Variants in CACUL1 observed in about 807,000 individuals in gnomAD.
The protein encoded by CACUL1 is CDK2 associated cullin domain 1.
CACUL1 carries 13 observed loss-of-function variants against 45.2 expected under a neutral mutation model. That is an observed-to-expected ratio of 0.29 (90% confidence interval 0.19 to 0.46). The LOEUF is 0.46. Ranked by LOEUF, CACUL1 falls within the 20% of genes least tolerant of loss-of-function variation. The pLI, the probability that CACUL1 is intolerant of heterozygous loss-of-function variation, is 1.00. For synonymous variants in CACUL1, 197 were observed against 174.2 expected, an observed-to-expected ratio of 1.13 and a Z score of -1.03; for missense variants, 421 against 471.4, an observed-to-expected ratio of 0.89 and a Z score of 0.99.
rs779232757 is a variant in CACUL1 at position 118,730,314 on chromosome 10, T to C, written c.464A>G (p.Tyr155Cys). Residue 155 changes from tyrosine (Y) to cysteine (C), a missense_variant, in exon 2 of 9, where the codon TAT (tyrosine) becomes TGT (cysteine). Tyr to Cys is a radical substitution (Grantham distance 194). Transcript: ENST00000369151. ...TATCTGTTCATAGGATATGGGGATATAGTCACCAGGACTCTGAGTTAAAAG... is the reference window on the plus strand; with the variant it reads ...TATCTGTTCATAGGATATGGGGATACAGTCACCAGGACTCTGAGTTAAAAG... ...DQLLTQSPGD[Y>C]IPISYEQIYS... 7 of 1,613,994 alleles carry C rather than the reference T, an allele frequency of 4.3e-6. No homozygotes were observed. Among genetic ancestry groups the C allele is most frequent in the Non-Finnish European group, 5.9e-6 (7 of 1,179,944 alleles).
intron 3 of CACUL1, among the ~76,000 whole-genome samples, chr10:118,715,361 GGTCA>G (rs1589609966): frequency 6.6e-6 from 1 of 152,128 alleles, no homozygotes; most frequent in African/African-American, 2.4e-5. Flanking sequence ...AAGGTTGATT[GGTCA>G]GTCACCCGAA....
chr10:118,704,999 A>G (rs1014626788), intron 4 of CACUL1, among the ~76,000 whole-genome samples: 1 of 152,260 alleles, frequency 6.6e-6, no homozygotes, highest in Admixed American at 6.5e-5. Flanking sequence ...CCCAGCTTGC[A>G]AAGTGACCAA....
chr10:118,687,769 T>C (rs1183702545), intron 7 of CACUL1, among the ~76,000 whole-genome samples: 1 of 152,226 alleles, frequency 6.6e-6, no homozygotes, highest in Non-Finnish European at 1.5e-5. Context: ...TGGCTGTCCC[T>C]TGCATGTCAG....
intron 5 of CACUL1, 148 bp downstream of exon 5, chr10:118,701,158 G>A: frequency 2.2e-6 from 1 of 453,906 alleles, no homozygotes; most frequent in East Asian, 3.2e-5. Flanking sequence ...ATTCTGCAGT[G>A]TCTCAGGTGG....
At chr10:118,723,935 T>TTTTGTA (rs1452112714) in intron 3 of CACUL1, among the ~76,000 whole-genome samples, 1 of 152,058 alleles carries the variant, frequency 6.6e-6, no homozygotes, top group Admixed American at 6.6e-5. Context: ...CAGGTAATTT[T>TTTTGTA]TTTGTATTTG....
intron 1 of CACUL1, among the ~76,000 whole-genome samples, chr10:118,746,923 A>G (rs1485171451): frequency 6.6e-6 from 1 of 152,188 alleles, no homozygotes; most frequent in Non-Finnish European, 1.5e-5. Flanking sequence ...GGCCACAGGA[A>G]CCGGTCGGTG....
intron 3 of CACUL1, among the ~76,000 whole-genome samples, chr10:118,714,144 A>G (rs1055435460): frequency 6.6e-6 from 1 of 152,214 alleles, no homozygotes; most frequent in East Asian, 1.9e-4. Context: ...CTGGATTCTC[A>G]TATCTGCTTC....
At chr10:118,745,510 G>A (rs1011100644) in intron 1 of CACUL1, among the ~76,000 whole-genome samples, 5 of 151,966 alleles carry the variant, frequency 3.3e-5, no homozygotes, top group African/African-American at 7.3e-5. Context: ...GCAGTGAGCC[G>A]AGATCGTGCC....
chr10:118,744,558 T>C (rs1845823871), intron 1 of CACUL1, among the ~76,000 whole-genome samples: 1 of 152,182 alleles, frequency 6.6e-6, no homozygotes, highest in Non-Finnish European at 1.5e-5. Context: ...TGGAACTAGA[T>C]AGAGGTAGTT....
At chr10:118,692,993 G>A (rs905049026) in intron 6 of CACUL1, 1 of 152,160 alleles carries the variant, frequency 6.6e-6, no homozygotes, top group African/African-American at 2.4e-5. Context: ...GTGCTACAGA[G>A]AACCACTAAT....
At position 118,750,027 on chromosome 10, in the gene CACUL1, T is replaced by C. The variant is rs567921396; in HGVS notation, c.367+4369A>G. 6.6e-5 allele frequency among the ~76,000 whole-genome samples: 10 copies of C among 152,306 alleles called. No homozygotes were observed. In the South Asian group the frequency reaches 2.1e-3, roughly 32 times the overall value. On this transcript the variant is annotated intron_variant, in intron 1 of 8. Transcript: ENST00000369151. ...GAAAACACTATCAATGTCAAAGACT[T>C]TAAAAATAAGAAAGGAGGGCCGGGC...
chr10:118,688,468 C>A (rs1353655694), intron 7 of CACUL1, among the ~76,000 whole-genome samples: 1 of 152,090 alleles, frequency 6.6e-6, no homozygotes, highest in Non-Finnish European at 1.5e-5. Flanking sequence ...AAAAACTGAA[C>A]ATGTAAATAT....
intron 3 of CACUL1, 115 bp from the exon 4 acceptor site, chr10:118,707,702 A>AC (rs1357897539): frequency 4.1e-5 from 5 of 120,542 alleles, no homozygotes; most frequent in African/African-American, 1.9e-4. Context: ...CACAATTAAC[A>AC]AAAAAAAAAA....
At chr10:118,752,535 G>A (rs922121749) in intron 1 of CACUL1, among the ~76,000 whole-genome samples, 12 of 152,158 alleles carry the variant, frequency 7.9e-5, no homozygotes, top group African/African-American at 2.9e-4. Flanking sequence ...TTTGATGAGC[G>A]AGTATTTATT....
chr10:118,753,422 G>A (rs1252299871), intron 1 of CACUL1, among the ~76,000 whole-genome samples: 4 of 152,194 alleles, frequency 2.6e-5, no homozygotes, highest in African/African-American at 9.7e-5. Context: ...CTCTCCAGTT[G>A]CTTTACCAGA....
In CACUL1 at chr10:118,729,383, C is replaced by T; in HGVS notation, c.509G>A (p.Cys170Tyr). 6.2e-7 allele frequency: 1 copy of T among 1,609,684 alleles called. No homozygotes were observed. Among genetic ancestry groups the T allele is most frequent in the Non-Finnish European group, 8.5e-7 (1 of 1,178,746 alleles). Residue 170 changes from cysteine (C) to tyrosine (Y), a missense_variant, in exon 3 of 9, where the codon TGT (cysteine) becomes TAT (tyrosine). By Grantham distance (194) the Cys-to-Tyr change is radical. This residue lies in a region of CACUL1 where 208 missense variants were observed against 298.4 expected (regional missense o/e 0.70). Transcript: ENST00000369151. ...YEQIYSCVYK[C>Y]VCQQHSEQMY... ...CTGTTCCGAGTGCTGCTGGCATACA[C>T]ATTTATACACACAACTGTAAAACAA...
At chr10:118,687,565 T>C (rs1213489926) in intron 7 of CACUL1, among the ~76,000 whole-genome samples, 4 of 152,200 alleles carry the variant, frequency 2.6e-5, no homozygotes, top group Non-Finnish European at 5.9e-5. Flanking sequence ...ACATGAGCCT[T>C]ATTTATCAAC....
intron 1 of CACUL1, among the ~76,000 whole-genome samples, chr10:118,746,710 C>G (rs933068198): frequency 1.3e-5 from 2 of 152,092 alleles, no homozygotes; most frequent in Admixed American, 6.6e-5. Flanking sequence ...AAACTTGTAT[C>G]CAAAATTTAT....
At chr10:118,724,201 ACC>A (rs1185586834) in intron 3 of CACUL1, among the ~76,000 whole-genome samples, 1 of 151,926 alleles carries the variant, frequency 6.6e-6, no homozygotes, top group African/African-American at 2.4e-5. Context: ...TTATTACCCA[ACC>A]CCCACAAGTG....
Sources: allele counts gnomAD v4.1 joint callset (sites outside exome capture counted in the v4.1 genomes callset), GRCh38; gene constraint gnomAD v4.1.1; regional missense constraint gnomAD v4.1.1; transcripts MANE v1.5; gene names NCBI Gene and HGNC (gene_info 2026-07-23, HGNC 2026-07-21).